TMX2: variants seen among roughly 807,000 people sequenced by gnomAD.
TMX2 encodes the protein thioredoxin-related transmembrane protein 2.
TMX2 carries 20 observed loss-of-function variants against 33.4 expected under a neutral mutation model. The ratio of observed to expected loss-of-function variants is 0.60; its 90% CI spans 0.42 to 0.87. The LOEUF is 0.87. TMX2 is among the 40% of genes least tolerant of loss of function. The pLI, the probability that TMX2 is intolerant of heterozygous loss-of-function variation, is 0.00. For missense variants in TMX2, 340 were observed against 370.7 expected (o/e 0.92, Z 0.68); for synonymous variants, 166 against 140.7 (o/e 1.18, Z -1.27).
intron 1 of TMX2, among the ~76,000 whole-genome samples, chr11:57,730,800 G>A (rs1948328799): frequency 6.6e-6 from 1 of 152,074 alleles, no homozygotes; most frequent in Non-Finnish European, 1.5e-5. Context: ...AAATAACTGG[G>A]TTGCTTGAGA....
intron 1 of TMX2, among the ~76,000 whole-genome samples, chr11:57,736,619 G>A (rs1319904918): frequency 6.6e-6 from 1 of 152,144 alleles, no homozygotes; most frequent in Non-Finnish European, 1.5e-5. Context: ...CGGGCTCGGT[G>A]GCTCACACCT....
chr11:57,717,060 G>A (rs1241591225), intron 1 of TMX2, among the ~76,000 whole-genome samples: 15 of 142,330 alleles, frequency 1.1e-4, no homozygotes, highest in African/African-American at 3.0e-4. Flanking sequence ...CTCACATCCC[G>A]GACGGGGCGG....
intron 1 of TMX2, among the ~76,000 whole-genome samples, chr11:57,732,272 TCATCCAGAATTTTTGTACTTTTTC>T (rs1285831572): frequency 6.6e-6 from 1 of 152,216 alleles, no homozygotes; most frequent in Non-Finnish European, 1.5e-5. Flanking sequence ...TGAAGGCGCA[TCATCCAGAATTTTTGTACTTTTTC>T]CAGCCCCCAA....
intron 1 of TMX2, among the ~76,000 whole-genome samples, chr11:57,717,875 A>C (rs1947281734): frequency 6.6e-6 from 1 of 152,108 alleles, no homozygotes; most frequent in South Asian, 2.1e-4. Flanking sequence ...ACTGCAATCC[A>C]GCTAGGCATG....
intron 1 of TMX2, among the ~76,000 whole-genome samples, chr11:57,726,188 G>A (rs988090081): frequency 1.3e-5 from 2 of 151,960 alleles, no homozygotes; most frequent in African/African-American, 2.4e-5. Flanking sequence ...TGGGGTGGGC[G>A]GATTTCCTGA....
At position 57,738,764 on chromosome 11, in the gene TMX2, C is replaced by A; in HGVS notation, c.542C>A (p.Ser181Tyr). The change falls in exon 5 of 8, where the codon TCC becomes TAC. Residue 181 changes from serine to tyrosine, a missense_variant. Ser to Tyr is a moderately radical substitution (Grantham distance 144). Around this residue, in one of 3 missense-constraint regions of TMX2, gnomAD observed 209 missense variants for 241.6 expected, o/e 0.87. Transcript: ENST00000278422. ...TTTGCCCCTATCTATGCTGACCTCT[C>A]CCTTAAGTGAGTAGTGCAAAGGGAG... Reference protein sequence around the residue: ...QSFAPIYADLSLKYNCTGLNF... With the variant: ...QSFAPIYADLYLKYNCTGLNF... The A allele has an allele frequency of 1.9e-6, 3 of 1,613,262 alleles. No individual in the cohort carries two copies. Among genetic ancestry groups the A allele is most frequent in the Non-Finnish European group, 2.5e-6 (3 of 1,179,238 alleles).
At chr11:57,721,271 AGCCTAGGT>A (rs1258881379) in intron 1 of TMX2, among the ~76,000 whole-genome samples, 2 of 152,144 alleles carry the variant, frequency 1.3e-5, no homozygotes, top group South Asian at 2.1e-4. Context: ...ACCGCACCCC[AGCCTAGGT>A]GACAGAGTGA....
intron 1 of TMX2, among the ~76,000 whole-genome samples, chr11:57,714,588 T>G (rs948531931): frequency 3.3e-5 from 5 of 151,998 alleles, no homozygotes; most frequent in African/African-American, 1.2e-4. Flanking sequence ...AAGGCAGGGT[T>G]TTTAGTTTTT....
Position 57,738,435 on chromosome 11 carries a change from GTGCTCT to G in TMX2, c.441+7_441+12del. 1 of 1,602,672 alleles carries G rather than the reference GTGCTCT, an allele frequency of 6.2e-7. No individual in the cohort carries two copies. Among genetic ancestry groups the G allele is most frequent in the Non-Finnish European group, 8.5e-7 (1 of 1,169,878 alleles). On this transcript the variant is annotated splice_donor_region_variant and intron_variant, in intron 4 of 7. Transcript: ENST00000278422. ...TTCAATGATAAAACCATTGATGTGA[GTGCTCT>G]TTCCCCTTTCTGTTTCTTGGGTCCC...
chr11:57,716,601 G>C, intron 1 of TMX2, among the ~76,000 whole-genome samples: 1 of 136,728 alleles, frequency 7.3e-6, no homozygotes, highest in Non-Finnish European at 1.6e-5. Flanking sequence ...CGGGGCGGCT[G>C]GCCGGGTGGG....
chr11:57,714,150 A>G (rs1946822438), intron 1 of TMX2, among the ~76,000 whole-genome samples: 1 of 152,128 alleles, frequency 6.6e-6, no homozygotes, highest in Non-Finnish European at 1.5e-5. Flanking sequence ...CTTCCTTAGA[A>G]GTTTCACTAT....
intron 1 of TMX2, among the ~76,000 whole-genome samples, chr11:57,731,433 CTTTTTTTTTT>C (rs140987390): frequency 3.0e-5 from 2 of 66,998 alleles, no homozygotes; most frequent in Non-Finnish European, 2.8e-5. Context: ...CGCACCCAGC[CTTTTTTTTTT>C]TTTTTTTTTT....
In TMX2 at chr11:57,738,649, C is replaced by G. The variant is rs758100677; in HGVS notation, c.442-15C>G. 6.2e-7 allele frequency: 1 copy of G among 1,610,592 alleles called. No individual in the cohort carries two copies. Among genetic ancestry groups the G allele is most frequent in the Non-Finnish European group, 8.5e-7 (1 of 1,177,162 alleles). Reference sequence around the variant, plus strand: ...TATGTGGATCCAGCTGACTTTTCTTCCCTGTATTTGGCAGGAGGAACTAGA... The same window carrying G: ...TATGTGGATCCAGCTGACTTTTCTTGCCTGTATTTGGCAGGAGGAACTAGA... On this transcript the variant is annotated splice_polypyrimidine_tract_variant and intron_variant, in intron 4 of 7. Transcript: ENST00000278422.
chr11:57,735,044 C>T (rs1404708425), intron 1 of TMX2, among the ~76,000 whole-genome samples: 4 of 151,340 alleles, frequency 2.6e-5, no homozygotes, highest in Non-Finnish European at 5.9e-5. Flanking sequence ...GCAGGAGAAT[C>T]GGTTGAACCT....
At chr11:57,733,610 C>A (rs1427029361) in intron 1 of TMX2, among the ~76,000 whole-genome samples, 1 of 151,650 alleles carries the variant, frequency 6.6e-6, no homozygotes, top group Non-Finnish European at 1.5e-5. Flanking sequence ...CTTAAAGTTT[C>A]TCTAAGAAAA....
rs910292698 is a variant in TMX2, at chr11:57,740,917, A to C, written c.*672A>C. ...TGGACTTTCACTAACCCTCTGACAT[A>C]CTCCCCACACCCAGTTGATGGCTTT... On this transcript the variant is annotated 3_prime_UTR_variant, in exon 8 of 8. Coordinates refer to ENST00000278422, the MANE Select transcript of TMX2 (RefSeq NM_015959.4). The C allele has an allele frequency of 6.6e-6, 1 of 151,906 alleles. No individual in the cohort carries two copies. Among genetic ancestry groups the C allele is most frequent in the African/African-American group, 2.4e-5 (1 of 41,314 alleles). The allele number at this position is 151,906 out of a possible 1,614,324, so 9.4% of individuals were successfully genotyped here.
rs757644895 is a variant in TMX2, at chr11:57,738,679, G to T, written c.457G>T (p.Asp153Tyr). ...TATTTGGCAGGAGGAACTAGAACGG[G>T]ACAAGAGGGTCACTTGGATTGTGGA... is the stretch of plus-strand genomic sequence containing the variant. Reference protein sequence around the residue: ...DKTIDEELERDKRVTWIVEFF... With the variant: ...DKTIDEELERYKRVTWIVEFF... Residue 153 changes from aspartate (D) to tyrosine (Y), a missense_variant, in exon 5 of 8, where the codon GAC (aspartate) becomes TAC (tyrosine). Physicochemically the swap from Asp to Tyr is radical, Grantham distance 160. This residue lies in a region of TMX2 where 209 missense variants were observed against 241.6 expected (regional missense o/e 0.87). Coordinates refer to ENST00000278422, the MANE Select transcript of TMX2 (RefSeq NM_015959.4). 3.1e-6 allele frequency: 5 copies of T among 1,613,834 alleles called. No individual in the cohort carries two copies. Among genetic ancestry groups the T allele is most frequent in the Non-Finnish European group, 4.2e-6 (5 of 1,180,004 alleles).
intron 1 of TMX2, among the ~76,000 whole-genome samples, chr11:57,715,586 C>CT (rs367827761): frequency 3.5e-4 from 46 of 130,092 alleles, no homozygotes; most frequent in Non-Finnish European, 5.7e-4. Context: ...AATTTGTTTT[C>CT]TTTTTTTTTT....
At chr11:57,716,517 C>T (rs866759010) in intron 1 of TMX2, among the ~76,000 whole-genome samples, 8,101 of 37,718 alleles carry the variant, frequency 0.21, no homozygotes, top group East Asian at 0.45. Context: ...TAGGGGCGGC[C>T]GGGCAGAGGC....
Sources: gnomAD v4.1 joint callset for allele counts (sites outside exome capture counted in the v4.1 genomes callset) on GRCh38, gnomAD v4.1.1 for gene constraint, gnomAD v4.1.1 regional missense constraint, MANE v1.5 for transcripts, NCBI Gene and HGNC (gene_info 2026-07-23, HGNC 2026-07-21) for gene names.